Variants in COG7 observed in about 807,000 individuals in gnomAD.
COG7 encodes conserved oligomeric Golgi complex subunit 7.
Under a neutral mutation model 91.5 loss-of-function variants are expected in COG7, and 49 were observed. That is an observed-to-expected ratio of 0.54 (90% confidence interval 0.43 to 0.68). The LOEUF is 0.68. COG7 is among the 30% of genes least tolerant of loss of function. COG7 has a pLI of 0.00. For missense variants in COG7, 895 were observed against 961.3 expected, an observed-to-expected ratio of 0.93 and a Z score of 0.91; for synonymous variants, 365 against 388.7, an observed-to-expected ratio of 0.94 and a Z score of 0.72.
chr16:23,396,127 C>G (rs1380383195), intron 14 of COG7, among the ~76,000 whole-genome samples: 1 of 152,254 alleles, frequency 6.6e-6, no homozygotes, highest in Non-Finnish European at 1.5e-5. Flanking sequence ...ACTAAACAAC[C>G]TGGCACTGTC....
intron 11 of COG7, among the ~76,000 whole-genome samples, chr16:23,409,098 T>C (rs1006243018): frequency 1.4e-4 from 19 of 134,222 alleles, no homozygotes; most frequent in African/African-American, 4.9e-4. Flanking sequence ...TGCGTGCATG[T>C]GTGTGTGTGT....
chr16:23,390,440 G>A (rs1416813632), intron 16 of COG7, among the ~76,000 whole-genome samples: 10 of 151,968 alleles, frequency 6.6e-5, no homozygotes, highest in African/African-American at 2.2e-4. Flanking sequence ...CTGACCTGAG[G>A]TGATCCACCC....
chr16:23,438,932 C>T (rs1418106133), intron 4 of COG7, among the ~76,000 whole-genome samples: 1 of 151,722 alleles, frequency 6.6e-6, no homozygotes, highest in Non-Finnish European at 1.5e-5. Context: ...CCAAGACGGG[C>T]GGATCACTTG....
chr16:23,398,479 G>A (rs557861908), intron 13 of COG7, among the ~76,000 whole-genome samples: 3 of 152,276 alleles, frequency 2.0e-5, no homozygotes, highest in East Asian at 1.9e-4. Context: ...GTTTCTCTGC[G>A]TAGCGGGGCC....
At chr16:23,400,484 C>T (rs989236905) in intron 13 of COG7, among the ~76,000 whole-genome samples, 2 of 152,050 alleles carry the variant, frequency 1.3e-5, no homozygotes, top group Admixed American at 6.5e-5. Context: ...ATGTGCAGGG[C>T]GAAGACAAGC....
intron 7 of COG7, 115 bp from the exon 8 acceptor site, chr16:23,418,942 G>T (rs757481553): frequency 4.5e-6 from 4 of 894,200 alleles, no homozygotes; most frequent in East Asian, 2.6e-5. Flanking sequence ...TCTCCAGAGG[G>T]GACTATATTT....
Position 23,427,905 on chromosome 16 carries a change from G to A in COG7, c.811-2958C>T, listed in dbSNP as rs907672129. Among the ~76,000 whole-genome samples, 33 of 152,126 alleles carry A rather than the reference G, an allele frequency of 2.2e-4. 1 individual carries two copies. The highest frequency in any genetic ancestry group is 8.8e-5 in the Non-Finnish European group (6 of 68,022). The stretch of plus-strand genomic sequence containing the variant: ...ATTTTTAAAATTCAAGGCCTAGCAC[G>A]GTGGCTCACACCTATAATCCCAGCA... On this transcript the variant is annotated intron_variant, in intron 6 of 16. Transcript: ENST00000307149.
chr16:23,406,069 C>T lies in COG7; in HGVS notation c.1662+7G>A. 1.9e-6 allele frequency: 3 copies of T among 1,611,522 alleles called. No homozygotes were observed. The highest frequency in any genetic ancestry group is 8.5e-7 in the Non-Finnish European group (1 of 1,177,632). On this transcript the variant is annotated splice_region_variant and intron_variant, in intron 12 of 16. Coordinates refer to ENST00000307149, the MANE Select transcript of COG7 (RefSeq NM_153603.4). ...TTTGCAAGAATGCCATTCATTTGGT[C>T]TCATACCTTAAGGGTATAAAGTATT... is the stretch of plus-strand genomic sequence containing the variant.
intron 1 of COG7, among the ~76,000 whole-genome samples, chr16:23,451,240 C>A (rs1235106970): frequency 1.3e-5 from 2 of 152,150 alleles, no homozygotes; most frequent in African/African-American, 4.8e-5. Context: ...CTTGGACTAT[C>A]CACTCCCAGT....
chr16:23,449,635 G>A (rs1024483927), intron 1 of COG7, among the ~76,000 whole-genome samples: 1 of 150,952 alleles, frequency 6.6e-6, no homozygotes, highest in African/African-American at 2.4e-5. Flanking sequence ...CAGCTACTCG[G>A]GAGGCTGAGG....
At chr16:23,438,033 C>T (rs965467887) in intron 4 of COG7, among the ~76,000 whole-genome samples, 17 of 147,686 alleles carry the variant, frequency 1.2e-4, no homozygotes, top group African/African-American at 3.3e-4. Context: ...TGCAGCGAGC[C>T]GAGATCAAGC....
chr16:23,437,058 T>C (rs1308326682), intron 4 of COG7, among the ~76,000 whole-genome samples: 2 of 152,186 alleles, frequency 1.3e-5, no homozygotes, highest in East Asian at 1.9e-4. Context: ...GGGCCAGGCA[T>C]GGGAGGGAGG....
At chr16:23,394,075 C>A in intron 14 of COG7, among the ~76,000 whole-genome samples, 1 of 148,654 alleles carries the variant, frequency 6.7e-6, no homozygotes. Context: ...AAAAAAAAAC[C>A]TGTCTTCTGG....
At chr16:23,436,185 G>A (rs1455764208) in intron 4 of COG7, among the ~76,000 whole-genome samples, 1 of 152,180 alleles carries the variant, frequency 6.6e-6, no homozygotes, top group East Asian at 1.9e-4. Flanking sequence ...TCACATCACT[G>A]CACTTCAGCC....
At chr16:23,418,947 A>G (rs1285763021) in intron 7 of COG7, 120 bp from the exon 8 acceptor site, 5 of 840,316 alleles carry the variant, frequency 6.0e-6, no homozygotes, top group Non-Finnish European at 3.9e-6. Flanking sequence ...AGAGGGGACT[A>G]TATTTTGTTA....
At chr16:23,409,253 G>C (rs1963523748) in intron 11 of COG7, among the ~76,000 whole-genome samples, 1 of 152,140 alleles carries the variant, frequency 6.6e-6, no homozygotes, top group South Asian at 2.1e-4. Context: ...GGCCGCTCCA[G>C]TGACAAGATT....
intron 6 of COG7, among the ~76,000 whole-genome samples, chr16:23,429,139 G>A (rs1197540758): frequency 1.3e-5 from 2 of 152,080 alleles, no homozygotes; most frequent in Non-Finnish European, 2.9e-5. Context: ...ACAGGCATGT[G>A]CCACCACGCC....
chr16:23,397,859 G>A (rs1963310003), intron 14 of COG7, among the ~76,000 whole-genome samples, 187 bp downstream of exon 14: 2 of 152,206 alleles, frequency 1.3e-5, no homozygotes, highest in African/African-American at 4.8e-5. Flanking sequence ...GCTGGGGTCT[G>A]GAATCGCCAT....
chr16:23,389,229 T>C (rs532952225), intron 16 of COG7, 143 bp from the exon 17 acceptor site: 188 of 911,194 alleles, frequency 2.1e-4, no homozygotes, highest in Non-Finnish European at 3.1e-4. Flanking sequence ...CTGCCCTCAA[T>C]AGGCCCTTTA....
Sources: allele counts gnomAD v4.1 joint callset (sites outside exome capture counted in the v4.1 genomes callset), GRCh38; gene constraint gnomAD v4.1.1; transcripts MANE v1.5; gene names NCBI Gene and HGNC (gene_info 2026-07-23, HGNC 2026-07-21).